Variants in BCKDHB observed in about 807,000 individuals in gnomAD.
BCKDHB encodes branched chain keto acid dehydrogenase E1 subunit beta, also known as 2-oxoisovalerate dehydrogenase subunit beta, mitochondrial.
Under a neutral mutation model 48.5 loss-of-function variants are expected in BCKDHB, and 41 were observed. The observed-to-expected ratio is 0.85, with a 90% CI of 0.66 to 1.10. BCKDHB has a LOEUF of 1.10. BCKDHB is among the 50% of genes least tolerant of loss of function. The pLI is 0.00. For synonymous variants in BCKDHB, 201 were observed against 174.8 expected, an observed-to-expected ratio of 1.15 and a Z score of -1.18; for missense variants, 496 against 494.2, an observed-to-expected ratio of 1.00 and a Z score of -0.03.
At chr6:80,183,055 A>G (rs150662319) in intron 6 of BCKDHB, among the ~76,000 whole-genome samples, 4 of 152,242 alleles carry the variant, frequency 2.6e-5, no homozygotes, top group Admixed American at 6.5e-5. Context: ...GTTGAAGAAA[A>G]CATCTCTGCT....
At chr6:80,435,000 A>G in the BCKDHB span, among the ~76,000 whole-genome samples, 1 of 152,272 alleles carries the variant, frequency 6.6e-6, no homozygotes, top group African/African-American at 2.4e-5. Context: ...AATTCTTGCT[A>G]TCTTGGCTTT....
At chr6:80,246,178 T>C (rs948505614) in intron 8 of BCKDHB, among the ~76,000 whole-genome samples, 2 of 152,232 alleles carry the variant, frequency 1.3e-5, no homozygotes, top group African/African-American at 2.4e-5. Context: ...TATGATTCTC[T>C]AACCTGTGAA....
chr6:80,134,813 C>G (rs60157637), intron 3 of BCKDHB, among the ~76,000 whole-genome samples: 1,752 of 151,842 alleles, frequency 0.012, 35 homozygotes, highest in African/African-American at 0.04. Flanking sequence ...AGTGCAGTGG[C>G]GAGATCTCAG....
the BCKDHB span, among the ~76,000 whole-genome samples, chr6:80,413,034 A>G: frequency 7.2e-5 from 11 of 152,012 alleles, no homozygotes; most frequent in Non-Finnish European, 1.5e-4. Flanking sequence ...ATGCATCTGG[A>G]TGTTCATTTC....
chr6:80,384,730 T>C, the BCKDHB span, among the ~76,000 whole-genome samples: 4 of 152,146 alleles, frequency 2.6e-5, no homozygotes, highest in African/African-American at 9.7e-5. Flanking sequence ...TGTGGGACCT[T>C]GTGATCATGT....
chr6:80,242,181 C>A (rs533132996), intron 8 of BCKDHB, among the ~76,000 whole-genome samples: 5 of 152,168 alleles, frequency 3.3e-5, no homozygotes, highest in African/African-American at 1.2e-4. Flanking sequence ...TAAAGTTTTA[C>A]CTTTCAAACT....
intron 3 of BCKDHB, among the ~76,000 whole-genome samples, chr6:80,139,120 C>T (rs1339875789): frequency 6.6e-6 from 1 of 152,168 alleles, no homozygotes; most frequent in African/African-American, 2.4e-5. Flanking sequence ...AGTGTCTGTT[C>T]ATGTCCTTCG....
intron 6 of BCKDHB, among the ~76,000 whole-genome samples, chr6:80,175,861 A>G (rs1773126296): frequency 1.3e-5 from 2 of 152,338 alleles, no homozygotes; most frequent in South Asian, 4.1e-4. Context: ...AGTTTAAGAA[A>G]GATTGTTGCT....
chr6:80,270,674 A>G (rs1562191755), intron 8 of BCKDHB, among the ~76,000 whole-genome samples: 1 of 152,112 alleles, frequency 6.6e-6, no homozygotes, highest in Non-Finnish European at 1.5e-5. Flanking sequence ...GTCTGATGCC[A>G]GTAGTTTATT....
intron 9 of BCKDHB, among the ~76,000 whole-genome samples, chr6:80,281,028 G>A (rs62406560): frequency 2.2e-5 from 1 of 45,266 alleles, no homozygotes; most frequent in South Asian, 4.7e-4. Context: ...AGGTGTATGC[G>A]TGTGTGTGTG....
the BCKDHB span, among the ~76,000 whole-genome samples, chr6:80,434,582 G>T: frequency 6.6e-6 from 1 of 151,932 alleles, no homozygotes; most frequent in Non-Finnish European, 1.5e-5. Flanking sequence ...TTCATTAAAG[G>T]TTGTTAAATT....
the BCKDHB span, among the ~76,000 whole-genome samples, chr6:80,436,570 C>T: frequency 2.0e-5 from 3 of 152,154 alleles, no homozygotes; most frequent in African/African-American, 4.8e-5. Flanking sequence ...GTTTAGAAAT[C>T]ATCCTAGACA....
the BCKDHB span, among the ~76,000 whole-genome samples, chr6:80,373,033 T>A: frequency 1.2e-4 from 18 of 152,278 alleles, no homozygotes; most frequent in Non-Finnish European, 2.4e-4. Context: ...GTACCAATTC[T>A]TCTTTGAATG....
intron 9 of BCKDHB, among the ~76,000 whole-genome samples, chr6:80,285,794 G>C (rs1766598662): frequency 6.6e-6 from 1 of 152,084 alleles, no homozygotes; most frequent in Non-Finnish European, 1.5e-5. Flanking sequence ...TGAAAGTAAG[G>C]GAATGAGGTT....
At chr6:80,153,740 C>T (rs1209656970) in intron 3 of BCKDHB, among the ~76,000 whole-genome samples, 1 of 151,374 alleles carries the variant, frequency 6.6e-6, no homozygotes, top group Non-Finnish European at 1.5e-5. Context: ...CTTATTTGAT[C>T]CTCAGATCAG....
At chr6:80,460,085 G>A in the BCKDHB span, among the ~76,000 whole-genome samples, 1 of 152,074 alleles carries the variant, frequency 6.6e-6, no homozygotes, top group South Asian at 2.1e-4. Flanking sequence ...TAGAAAAGAT[G>A]TAAGAAATAT....
rs1445546194 is a variant in BCKDHB, at chr6:80,345,604, G to T, written c.*1800G>T. The T allele has an allele frequency of 6.6e-6, 1 of 152,194 alleles. No individual in the cohort carries two copies. The highest frequency in any genetic ancestry group is 1.5e-5 in the Non-Finnish European group (1 of 68,044). The allele number at this position is 152,194 out of a possible 1,614,324, so 9.4% of individuals were successfully genotyped here. A position where few individuals can be genotyped will look rare whatever the true frequency, so the allele number is the denominator to read the frequency against. ...TGCATGTATTCTCTCAGACATACCG[G>T]TGTAGATGCTATATTTCTGATGTCT... On this transcript the variant is annotated 3_prime_UTR_variant, in exon 10 of 10. Transcript: ENST00000320393.
At chr6:80,428,096 C>T in the BCKDHB span, among the ~76,000 whole-genome samples, 1 of 151,614 alleles carries the variant, frequency 6.6e-6, no homozygotes, top group Non-Finnish European at 1.5e-5. Context: ...TTGTTCAACT[C>T]CCACTTATGA....
intron 8 of BCKDHB, among the ~76,000 whole-genome samples, chr6:80,229,877 GAC>G (rs1037742093): frequency 2.0e-5 from 3 of 151,842 alleles, no homozygotes; most frequent in Admixed American, 2.0e-4. Flanking sequence ...AAGAAAGAAA[GAC>G]AGTGGATACA....
Sources: gnomAD v4.1 joint callset for allele counts (sites outside exome capture counted in the v4.1 genomes callset) on GRCh38, gnomAD v4.1.1 for gene constraint, MANE v1.5 for transcripts, NCBI Gene and HGNC (gene_info 2026-07-23, HGNC 2026-07-21) for gene names.